Variants in MLLT1 observed in about 807,000 individuals in gnomAD.
MLLT1 encodes the protein MLLT1 super elongation complex subunit.
Under a neutral mutation model 55.1 loss-of-function variants are expected in MLLT1, and 11 were observed. That is an observed-to-expected ratio of 0.20 (90% CI 0.13 to 0.33). The LOEUF is 0.33. Ranked by LOEUF, MLLT1 falls within the 10% of genes least tolerant of loss-of-function variation. The pLI, the probability that MLLT1 is intolerant of heterozygous loss-of-function variation, is 1.00. For synonymous variants in MLLT1, 323 were observed against 320.1 expected, an observed-to-expected ratio of 1.01 and a Z score of -0.10; for missense variants, 536 against 760.6, an observed-to-expected ratio of 0.70 and a Z score of 3.47.
At chr19:6,234,907 A>C (rs113976686) in intron 3 of MLLT1, among the ~76,000 whole-genome samples, 5,641 of 152,190 alleles carry the variant, frequency 0.037, 131 homozygotes, top group Non-Finnish European at 0.05. Flanking sequence ...AACAAACAAA[A>C]AAAAAAAACA....
At chr19:6,234,248 G>C (rs1430682782) in intron 3 of MLLT1, among the ~76,000 whole-genome samples, 2 of 152,234 alleles carry the variant, frequency 1.3e-5, no homozygotes, top group Non-Finnish European at 2.9e-5. Flanking sequence ...AGCTGTGGTG[G>C]AGACAGGTGG....
chr19:6,253,421 T>G (rs998464764), intron 3 of MLLT1, among the ~76,000 whole-genome samples: 8 of 151,184 alleles, frequency 5.3e-5, no homozygotes, highest in Non-Finnish European at 1.2e-4. Flanking sequence ...CAAACACCAC[T>G]CCTGCTCAAA....
In MLLT1 at chr19:6,227,655, G is replaced by A. The variant is rs916725697; in HGVS notation, c.421-553C>T. On this transcript the variant is annotated intron_variant, in intron 4 of 11. Coordinates refer to ENST00000252674, the MANE Select transcript of MLLT1 (RefSeq NM_005934.4). The surrounding 1 kb of genome is among the most constrained non-coding windows in gnomAD (Gnocchi z 5.1). ...GGCTGAGGCCGAGACCAAGGCAGACGACCTGTGCCTACTGGGGGGGTCTCT... is the reference window on the plus strand; with the variant it reads ...GGCTGAGGCCGAGACCAAGGCAGACAACCTGTGCCTACTGGGGGGGTCTCT... Among the ~76,000 whole-genome samples the A allele has an allele frequency of 1.3e-5, 2 of 152,182 alleles. No individual in the cohort carries two copies. Among genetic ancestry groups the A allele is most frequent in the Non-Finnish European group, 2.9e-5 (2 of 68,028 alleles).
intron 3 of MLLT1, among the ~76,000 whole-genome samples, chr19:6,247,844 C>T (rs1001729903): frequency 1.3e-5 from 2 of 152,166 alleles, no homozygotes; most frequent in African/African-American, 4.8e-5. Flanking sequence ...CCTGTTGGTG[C>T]TCAGAGTTTC....
chr19:6,243,461 C>T (rs141650453), intron 3 of MLLT1, among the ~76,000 whole-genome samples: 2 of 152,346 alleles, frequency 1.3e-5, no homozygotes, highest in South Asian at 2.1e-4. Context: ...CACTGACCTA[C>T]TCCAGAACAT....
chr19:6,244,000 C>T (rs955757452), intron 3 of MLLT1, among the ~76,000 whole-genome samples: 6 of 148,414 alleles, frequency 4.0e-5, no homozygotes, highest in East Asian at 4.0e-4. Context: ...GCCGAGATCA[C>T]GCCACTGCAC....
At position 6,210,715 on chromosome 19, in the gene MLLT1, A is replaced by C. The variant is rs1432803572; in HGVS notation, c.*2327T>G. 1 of 230,132 alleles carries C rather than the reference A, an allele frequency of 4.3e-6. No individual in the cohort carries two copies. The highest frequency in any genetic ancestry group is 8.6e-6 in the Non-Finnish European group (1 of 116,160). The allele number at this position is 230,132 out of a possible 1,614,324, so 14.3% of individuals were successfully genotyped here. On this transcript the variant is annotated 3_prime_UTR_variant, in exon 12 of 12. Coordinates refer to ENST00000252674, the MANE Select transcript of MLLT1 (RefSeq NM_005934.4). The surrounding 1 kb of genome is among the most constrained non-coding windows in gnomAD (Gnocchi z 4.6). ...TTAACAGGAAACACGTGGCAATCAC[A>C]AAGTGCCAGGCCCCTTTCCTATGGA...
At chr19:6,233,806 C>T (rs938407366) in intron 3 of MLLT1, among the ~76,000 whole-genome samples, 4 of 152,186 alleles carry the variant, frequency 2.6e-5, no homozygotes, top group Non-Finnish European at 5.9e-5. Context: ...ACACGCCCCC[C>T]GCCAAGTCCA....
rs150581304 is a variant in MLLT1, at chr19:6,222,744, C to T, written c.547-60G>A. 6.1e-5 allele frequency: 84 copies of T among 1,373,802 alleles called. No homozygotes were observed. Among genetic ancestry groups the T allele is most frequent in the Admixed American group, 9.7e-5 (4 of 41,150 alleles). 85.1% of individuals were successfully genotyped at this position (1,373,802 alleles called of 1,614,324 possible). A position where few individuals can be genotyped will look rare whatever the true frequency, so the allele number is the denominator to read the frequency against. ...GACAAGGTCACGTGGCATTGCGGGG[C>T]GCCCTGCTCCGCCACCCCTGACCCC... On this transcript the variant is annotated intron_variant, in intron 5 of 11. Transcript: ENST00000252674. This position sits in a 1 kb window ranked among gnomAD's most constrained non-coding sequence, Gnocchi z 4.1.
rs934600124 is a variant in MLLT1, at chr19:6,212,918, G to A, written c.*124C>T. The stretch of plus-strand genomic sequence containing the variant: ...CCGAGGAAAGTGCAGCGGGCTGTGC[G>A]GGCGAGGACAGGGCTGTCGCTAAGG... On this transcript the variant is annotated 3_prime_UTR_variant, in exon 12 of 12. Transcript: ENST00000252674. The A allele has an allele frequency of 1.3e-5, 16 of 1,255,200 alleles. No homozygotes were observed. The highest frequency in any genetic ancestry group is 1.8e-5 in the Non-Finnish European group (16 of 914,248). The allele number at this position is 1,255,200 out of a possible 1,614,324, so 77.8% of individuals were successfully genotyped here.
Position 6,222,061 on chromosome 19 carries a change from G to A in MLLT1, c.1110+60C>T, listed in dbSNP as rs866494101. On this transcript the variant is annotated intron_variant, in intron 6 of 11. Coordinates refer to ENST00000252674, the MANE Select transcript of MLLT1 (RefSeq NM_005934.4). The surrounding 1 kb of genome is among the most constrained non-coding windows in gnomAD (Gnocchi z 4.1). ...CCCACCTCCTTCCGCTGTTCCAGAAGGGAGGCGGGTCCCACCACACTGCCT... is the reference window on the plus strand; with the variant it reads ...CCCACCTCCTTCCGCTGTTCCAGAAAGGAGGCGGGTCCCACCACACTGCCT... 24 of 1,360,374 alleles carry A rather than the reference G, an allele frequency of 1.8e-5. No homozygotes were observed. Among genetic ancestry groups the A allele is most frequent in the Middle Eastern group, 3.9e-4 (2 of 5,144 alleles). The allele number at this position is 1,360,374 out of a possible 1,614,324, so 84.3% of individuals were successfully genotyped here.
intron 3 of MLLT1, among the ~76,000 whole-genome samples, chr19:6,253,847 T>C (rs1451628517): frequency 1.3e-5 from 2 of 152,080 alleles, no homozygotes; most frequent in Admixed American, 6.5e-5. Context: ...GTAAGAAATA[T>C]ATATATTTGG....
Position 6,212,829 on chromosome 19 carries a change from C to G in MLLT1, c.*213G>C, listed in dbSNP as rs1022467497. Reference sequence around the variant, plus strand: ...GCCCAGAGAGCCCGGGGGGCGGCTCCCGTGTGGCCCAGCCCGGCCCCAGGG... The same window carrying G: ...GCCCAGAGAGCCCGGGGGGCGGCTCGCGTGTGGCCCAGCCCGGCCCCAGGG... On this transcript the variant is annotated 3_prime_UTR_variant, in exon 12 of 12. Coordinates refer to ENST00000252674, the MANE Select transcript of MLLT1 (RefSeq NM_005934.4). The G allele has an allele frequency of 7.9e-5, 71 of 899,648 alleles. No individual in the cohort carries two copies. The highest frequency in any genetic ancestry group is 1.1e-4 in the Non-Finnish European group (69 of 641,282). The allele number at this position is 899,648 out of a possible 1,614,324, so 55.7% of individuals were successfully genotyped here.
intron 3 of MLLT1, among the ~76,000 whole-genome samples, chr19:6,248,200 G>A (rs1318861294): frequency 6.6e-6 from 1 of 152,152 alleles, no homozygotes; most frequent in Non-Finnish European, 1.5e-5. Context: ...AGATTTTGGA[G>A]CATTTTTTAT....
chr19:6,214,710 GC>G (rs1298724824), intron 8 of MLLT1, among the ~76,000 whole-genome samples: 1 of 152,110 alleles, frequency 6.6e-6, no homozygotes, highest in Non-Finnish European at 1.5e-5. Flanking sequence ...CTGGGGTCCC[GC>G]TCTGCCAGGG....
chr19:6,249,742 G>A lies in MLLT1; in HGVS notation c.276+12486C>T, dbSNP rs576924992. Among the ~76,000 whole-genome samples, 174 of 152,216 alleles carry A rather than the reference G, an allele frequency of 1.1e-3. 1 individual carries two copies. Among genetic ancestry groups the A allele is most frequent in the African/African-American group, 4.0e-3 (166 of 41,514 alleles). ...TTATCCAGAAGATATAAAGGACCCG[G>A]TCAAGCAAAGTGGCTCGCGCCTGTA... On this transcript the variant is annotated intron_variant, in intron 3 of 11. Coordinates refer to ENST00000252674, the MANE Select transcript of MLLT1 (RefSeq NM_005934.4).
chr19:6,232,184 T>C (rs1211574047), intron 3 of MLLT1, among the ~76,000 whole-genome samples: 1 of 152,086 alleles, frequency 6.6e-6, no homozygotes, highest in Non-Finnish European at 1.5e-5. Context: ...TGCAGTGAGC[T>C]AAGATTGCAC....
In MLLT1 at chr19:6,276,431, T is replaced by C. The variant is rs200975672; in HGVS notation, c.12+3342A>G. ...AACTTTCCCCGCTGAAGAACATCGT[T>C]GTGAGGCAGCTGCTCTCAAACCCAA... is the stretch of plus-strand genomic sequence containing the variant. On this transcript the variant is annotated intron_variant, in intron 1 of 11. Transcript: ENST00000252674. 5.3e-5 allele frequency among the ~76,000 whole-genome samples: 8 copies of C among 152,230 alleles called. No homozygotes were observed. The East Asian group carries it at 1.5e-3, about 29-fold the overall frequency.
rs76135170 is a variant in MLLT1 at position 6,231,916 on chromosome 19, C to T, written c.277-1203G>A. ...CGCACTATGACAAGCACGAATGTCACACGGAAGAAGGGAGGTTTTCATGGA... is the reference window on the plus strand; with the variant it reads ...CGCACTATGACAAGCACGAATGTCATACGGAAGAAGGGAGGTTTTCATGGA... On this transcript the variant is annotated intron_variant, in intron 3 of 11. Coordinates refer to ENST00000252674, the MANE Select transcript of MLLT1 (RefSeq NM_005934.4). The surrounding 1 kb of genome is among the most constrained non-coding windows in gnomAD (Gnocchi z 5.1). Among the ~76,000 whole-genome samples the T allele has an allele frequency of 0.014, 2,063 of 152,204 alleles. 60 individuals are homozygous for T. The highest frequency in any genetic ancestry group is 0.044 in the African/African-American group (1,842 of 41,512).
Sources: gnomAD v4.1 joint callset for allele counts (sites outside exome capture counted in the v4.1 genomes callset) on GRCh38, gnomAD v4.1.1 for gene constraint, Gnocchi (gnomAD v3.1) non-coding constraint, MANE v1.5 for transcripts, NCBI Gene and HGNC (gene_info 2026-07-23, HGNC 2026-07-21) for gene names.